The following USH2A variants were observed in gnomAD, a reference collection of about 807,000 sequenced individuals.
The protein encoded by USH2A is usherin, also known as Usher syndrome 2A (autosomal recessive, mild).
USH2A carries 443 observed loss-of-function variants against 538.9 expected under a neutral mutation model. The ratio of observed to expected loss-of-function variants is 0.82; its 90% CI spans 0.76 to 0.89. The LOEUF (loss-of-function observed/expected upper bound fraction) is 0.89. Ranked by LOEUF, USH2A falls within the 40% of genes least tolerant of loss-of-function variation. USH2A has a pLI of 0.00. For synonymous variants in USH2A, 2,413 were observed against 2,273.5 expected, an observed-to-expected ratio of 1.06 and a Z score of -1.75; for missense variants, 6,633 against 6,324.8, an observed-to-expected ratio of 1.05 and a Z score of -1.65.
chr1:215,661,305 G>C (rs1657427257), intron 64 of USH2A, among the ~76,000 whole-genome samples: 1 of 152,086 alleles, frequency 6.6e-6, no homozygotes, highest in Admixed American at 6.6e-5. Flanking sequence ...TTTCCATTAG[G>C]TTTTGATCAA....
chr1:215,647,390 G>C, intron 67 of USH2A, 132 bp downstream of exon 67: 1 of 1,115,956 alleles, frequency 9.0e-7, no homozygotes, highest in Non-Finnish European at 1.3e-6. Flanking sequence ...CCTCATCAAT[G>C]CTTCAGTAAC....
chr1:215,743,461 G>GAC lies in USH2A; in HGVS notation c.11390-128_11390-127dup, dbSNP rs2102728174. On this transcript the variant is annotated intron_variant, in intron 58 of 71. Coordinates refer to ENST00000307340, the MANE Select transcript of USH2A (RefSeq NM_206933.4). ...ATATATATATAAATAAATATATATA[G>GAC]ACACACATATATATATAAATAAAAC... The GAC allele has an allele frequency of 1.8e-5, 4 of 228,290 alleles. 1 individual carries two copies. The highest frequency in any genetic ancestry group is 1.1e-4 in the East Asian group (1 of 9,268). The allele number at this position is 228,290 out of a possible 1,614,324, so 14.1% of individuals were successfully genotyped here.
intron 21 of USH2A, among the ~76,000 whole-genome samples, chr1:216,144,167 C>A (rs1456571694): frequency 1.3e-5 from 2 of 152,128 alleles, no homozygotes; most frequent in African/African-American, 4.8e-5. Flanking sequence ...GAGAAAATAT[C>A]AAGTGCATCA....
chr1:215,888,382 A>C, intron 41 of USH2A, 44 bp downstream of exon 41: 3 of 1,609,892 alleles, frequency 1.9e-6, no homozygotes, highest in Non-Finnish European at 2.5e-6. Flanking sequence ...AATCCAGGGT[A>C]CATTCCTAAG....
intron 62 of USH2A, among the ~76,000 whole-genome samples, chr1:215,677,475 C>T (rs11120596): frequency 0.052 from 7,979 of 152,222 alleles, 258 homozygotes; most frequent in Non-Finnish European, 0.062. Context: ...TGATGTCCTA[C>T]TTCCTCCCTT....
At chr1:216,112,071 C>A (rs1010300099) in intron 21 of USH2A, among the ~76,000 whole-genome samples, 1 of 152,028 alleles carries the variant, frequency 6.6e-6, no homozygotes, top group African/African-American at 2.4e-5. Flanking sequence ...CATTCATAAA[C>A]TATTTATGGC....
chr1:215,837,971 A>G lies in USH2A; in HGVS notation c.9371+20T>C. The G allele has an allele frequency of 2.5e-6, 4 of 1,582,992 alleles. No individual in the cohort carries two copies. The highest frequency in any genetic ancestry group is 3.5e-6 in the Non-Finnish European group (4 of 1,151,736). On this transcript the variant is annotated intron_variant, in intron 47 of 71. Coordinates refer to ENST00000307340, the MANE Select transcript of USH2A (RefSeq NM_206933.4). Reference sequence around the variant, plus strand: ...TTCTGATCAGAGTTCCTTAGATTTAACTGACACAAAATTTTGTACCTTGAA... The same window carrying G: ...TTCTGATCAGAGTTCCTTAGATTTAGCTGACACAAAATTTTGTACCTTGAA...
At chr1:215,943,057 C>T (rs572143565) in intron 37 of USH2A, among the ~76,000 whole-genome samples, 9 of 152,028 alleles carry the variant, frequency 5.9e-5, no homozygotes, top group African/African-American at 1.9e-4. Context: ...AAATTTAGGT[C>T]GAAAGAAGAC....
intron 61 of USH2A, among the ~76,000 whole-genome samples, chr1:215,717,960 G>A (rs893464941): frequency 1.4e-4 from 21 of 152,238 alleles, no homozygotes; most frequent in African/African-American, 4.8e-4. Flanking sequence ...TCCAAAGTAC[G>A]TGGCATCCAG....
At chr1:215,684,999 T>C (rs2797241) in intron 61 of USH2A, among the ~76,000 whole-genome samples, 112,037 of 151,914 alleles carry the variant, frequency 0.74, 41,796 homozygotes, top group East Asian at 0.9. Context: ...TATATTTTAT[T>C]TTGTCTTAAT....
chr1:216,231,292 CAGAGAG>C (rs371376479), intron 14 of USH2A, among the ~76,000 whole-genome samples: 13 of 56,692 alleles, frequency 2.3e-4, no homozygotes, highest in African/African-American at 5.4e-4. Context: ...CACAGAGAGA[CAGAGAG>C]AGAGAGAGAG....
chr1:215,640,502 G>A lies in USH2A; in HGVS notation c.14968+56C>T, dbSNP rs56957283. On this transcript the variant is annotated intron_variant, in intron 68 of 71. Coordinates refer to ENST00000307340, the MANE Select transcript of USH2A (RefSeq NM_206933.4). ...GGTCAGCTTTCAGATTTAGCATCCC[G>A]TAAAGCTGGGGAACAGAGCGCCTTC... 13,637 of 1,605,396 alleles carry A rather than the reference G, an allele frequency of 8.5e-3. 321 individuals carry two copies. The highest frequency in any genetic ancestry group is 0.061 in the South Asian group (5,575 of 90,700).
At chr1:215,647,392 T>C (rs1656886830) in intron 67 of USH2A, 130 bp downstream of exon 67, 1 of 1,112,432 alleles carries the variant, frequency 9.0e-7, no homozygotes, top group African/African-American at 1.5e-5. Context: ...TCATCAATGC[T>C]TCAGTAACAT....
At position 216,327,618 on chromosome 1, in the gene USH2A, C is replaced by T. The variant is rs727504721; in HGVS notation, c.821G>A (p.Arg274Gln). ...EQFVGRMQDF[R>Q]LYQVALTNRE... ...GTTTGTAAGTGCCACTTGGTATAAT[C>T]GAAAATCTTGCATTCTTCCGACAAA... Residue 274 changes from arginine to glutamine, a missense_variant, in exon 5 of 72, where the codon CGA becomes CAA. Physicochemically the swap from Arg to Gln is conservative, Grantham distance 43. Coordinates refer to ENST00000307340, the MANE Select transcript of USH2A (RefSeq NM_206933.4). The T allele has an allele frequency of 1.3e-5, 21 of 1,613,050 alleles. No homozygotes were observed. The highest frequency in any genetic ancestry group is 6.7e-5 in the Admixed American group (4 of 59,918).
chr1:216,282,126 AAATATTTTCTTCATTATT>A (rs1446162880), intron 11 of USH2A, among the ~76,000 whole-genome samples: 1 of 152,054 alleles, frequency 6.6e-6, no homozygotes, highest in African/African-American at 2.4e-5. Context: ...TATGCTGTGC[AAATATTTTCTTCATTATT>A]ACAGATTTAT....
chr1:216,370,702 A>AAAAAAAAAAAAAAAAC (rs397973329), intron 3 of USH2A, among the ~76,000 whole-genome samples: 6 of 150,140 alleles, frequency 4.0e-5, no homozygotes, highest in Non-Finnish European at 8.9e-5. Flanking sequence ...AAAAAAAAAA[A>AAAAAAAAAAAAAAAAC]TACTCAAGGT....
In USH2A at chr1:215,888,520, T is replaced by A; in HGVS notation, c.8129A>T (p.Asn2710Ile). The A allele has an allele frequency of 6.2e-7, 1 of 1,614,178 alleles. No homozygotes were observed. The highest frequency in any genetic ancestry group is 8.5e-7 in the Non-Finnish European group (1 of 1,180,018). The change falls in exon 41 of 72, where the codon AAC becomes ATC. Residue 2710 changes from asparagine (N) to isoleucine (I), a missense_variant. By Grantham distance (149) the Asn-to-Ile change is moderately radical. Coordinates refer to ENST00000307340, the MANE Select transcript of USH2A (RefSeq NM_206933.4). ...GGTAACTTCTACCCAAGCACTGCTG[T>A]TTGTGCCTCCATGAAGAGTGCTCAT... ...VLMSTLHGGT[N>I]SSAWVEVTTR...
chr1:215,827,069 T>C (rs990767711), intron 47 of USH2A, among the ~76,000 whole-genome samples: 1 of 152,128 alleles, frequency 6.6e-6, no homozygotes, highest in Non-Finnish European at 1.5e-5. Context: ...GTGAATATCA[T>C]GACATAAAAT....
chr1:216,343,156 T>C (rs964974662), intron 4 of USH2A, among the ~76,000 whole-genome samples: 1 of 151,966 alleles, frequency 6.6e-6, no homozygotes, highest in Admixed American at 6.6e-5. Flanking sequence ...TAAATAGATA[T>C]AGCTGCCCAC....
Sources: allele counts gnomAD v4.1 joint callset (sites outside exome capture counted in the v4.1 genomes callset), GRCh38; gene constraint gnomAD v4.1.1; transcripts MANE v1.5; gene names NCBI Gene and HGNC (gene_info 2026-07-23, HGNC 2026-07-21).